LRRC1: variants seen among roughly 807,000 people sequenced by gnomAD.
The protein encoded by LRRC1 is leucine rich repeat containing 1, also known as leucine-rich repeat-containing protein 1.
Under a neutral mutation model 69.9 loss-of-function variants are expected in LRRC1, and 28 were observed. The ratio of observed to expected loss-of-function variants is 0.40; its 90% CI spans 0.30 to 0.55. The LOEUF (loss-of-function observed/expected upper bound fraction) is 0.55. Among genes scored for constraint, LRRC1 ranks in the 20% least tolerant of loss-of-function variants. LRRC1 has a pLI of 0.47. For synonymous variants in LRRC1, 236 were observed against 240.2 expected (o/e 0.98, Z 0.16); for missense variants, 498 against 609.0 (o/e 0.82, Z 1.92).
intron 1 of LRRC1, among the ~76,000 whole-genome samples, chr6:53,814,546 A>G (rs755958022): frequency 2.6e-5 from 4 of 152,216 alleles, no homozygotes; most frequent in Admixed American, 6.5e-5. Flanking sequence ...CACAGTGTCT[A>G]TTGTTCTACT....
intron 4 of LRRC1, among the ~76,000 whole-genome samples, chr6:53,894,410 C>T (rs1767800970): frequency 1.3e-5 from 2 of 152,204 alleles, no homozygotes; most frequent in African/African-American, 4.8e-5. Context: ...TGGCATAACA[C>T]TCAGCATGAG....
intron 1 of LRRC1, among the ~76,000 whole-genome samples, chr6:53,829,098 G>A (rs1024995153): frequency 3.3e-5 from 5 of 152,218 alleles, no homozygotes; most frequent in Non-Finnish European, 7.3e-5. Context: ...CTGTTGGGGA[G>A]TTGGGATTAT....
chr6:53,914,961 A>G (rs1474153600), intron 11 of LRRC1, among the ~76,000 whole-genome samples: 1 of 152,248 alleles, frequency 6.6e-6, no homozygotes, highest in East Asian at 1.9e-4. Context: ...TGCCTGGCAC[A>G]TAATGGATGC....
At chr6:53,833,067 T>G (rs947696023) in intron 1 of LRRC1, among the ~76,000 whole-genome samples, 5 of 152,166 alleles carry the variant, frequency 3.3e-5, no homozygotes, top group Non-Finnish European at 5.9e-5. Context: ...CTCCTCATAG[T>G]TGATCTTTCC....
intron 1 of LRRC1, among the ~76,000 whole-genome samples, chr6:53,814,810 G>A (rs1764903649): frequency 6.6e-6 from 1 of 152,176 alleles, no homozygotes; most frequent in South Asian, 2.1e-4. Context: ...CTGCATTACT[G>A]TCTTTCTGGG....
chr6:53,916,204 G>C (rs992667020), intron 11 of LRRC1, among the ~76,000 whole-genome samples: 1 of 152,216 alleles, frequency 6.6e-6, no homozygotes, highest in African/African-American at 2.4e-5. Flanking sequence ...TATCCACCAA[G>C]TGTGCAAAAC....
chr6:53,863,567 T>G (rs1313719605), intron 2 of LRRC1, among the ~76,000 whole-genome samples: 1 of 152,224 alleles, frequency 6.6e-6, no homozygotes, highest in Non-Finnish European at 1.5e-5. Context: ...GTTTGTCTTG[T>G]CTACCTCTCT....
chr6:53,882,362 G>A (rs79525685), intron 3 of LRRC1, among the ~76,000 whole-genome samples: 3 of 152,078 alleles, frequency 2.0e-5, no homozygotes, highest in African/African-American at 7.2e-5. Flanking sequence ...AGAAAGGAAA[G>A]TAGCAATTGT....
Position 53,879,019 on chromosome 6 carries a change from T to C in LRRC1, c.304T>C (p.Ser102Pro). The C allele has an allele frequency of 1.2e-6, 2 of 1,613,006 alleles. No homozygotes were observed. The highest frequency in any genetic ancestry group is 1.7e-6 in the Non-Finnish European group (2 of 1,179,290). Residue 102 changes from serine to proline, a missense_variant, in exon 3 of 14, where the codon TCA (serine) becomes CCA (proline). By Grantham distance (74) the Ser-to-Pro change is moderately conservative. Coordinates refer to ENST00000370888, the MANE Select transcript of LRRC1 (RefSeq NM_018214.5). ...NEIPEIPESI[S>P]FCKALQVADF... Reference sequence around the variant, plus strand: ...GATTCCTGAAATTCCAGAAAGCATTTCATTCTGTAAAGCACTGCAGGTAGC... The same window carrying C: ...GATTCCTGAAATTCCAGAAAGCATTCCATTCTGTAAAGCACTGCAGGTAGC...
chr6:53,860,998 A>G (rs1301856253), intron 2 of LRRC1, among the ~76,000 whole-genome samples: 2 of 143,552 alleles, frequency 1.4e-5, no homozygotes, highest in African/African-American at 2.5e-5. Flanking sequence ...ACATGGACAC[A>G]GAAGGGAACG....
At chr6:53,825,743 G>A (rs1765236898) in intron 1 of LRRC1, among the ~76,000 whole-genome samples, 2 of 152,130 alleles carry the variant, frequency 1.3e-5, no homozygotes, top group Non-Finnish European at 2.9e-5. Context: ...GTTTGTAGGC[G>A]TTAAGTGGGG....
intron 1 of LRRC1, among the ~76,000 whole-genome samples, chr6:53,839,154 T>A (rs1003282761): frequency 2.0e-5 from 3 of 152,138 alleles, no homozygotes; most frequent in Admixed American, 6.5e-5. Context: ...TCTAGTTTTT[T>A]ATTTTTACAC....
intron 1 of LRRC1, among the ~76,000 whole-genome samples, chr6:53,832,030 T>A: frequency 6.6e-6 from 1 of 152,216 alleles, no homozygotes; most frequent in East Asian, 1.9e-4. Context: ...TTGGTGTATT[T>A]GCTGAGAAAA....
chr6:53,865,314 A>C, intron 2 of LRRC1, among the ~76,000 whole-genome samples: 1 of 152,118 alleles, frequency 6.6e-6, no homozygotes, highest in East Asian at 1.9e-4. Flanking sequence ...GGAAAACCTA[A>C]GTGGGCTTAC....
chr6:53,844,022 A>G (rs1562040256), intron 2 of LRRC1, among the ~76,000 whole-genome samples: 2 of 152,254 alleles, frequency 1.3e-5, no homozygotes, highest in Middle Eastern at 6.8e-3. Context: ...TTGGATGGCA[A>G]CCAGTACAAA....
At chr6:53,835,053 A>G (rs936641681) in intron 1 of LRRC1, among the ~76,000 whole-genome samples, 2 of 152,220 alleles carry the variant, frequency 1.3e-5, no homozygotes, top group African/African-American at 4.8e-5. Context: ...TTCTTCATTA[A>G]TGTCTACCAA....
chr6:53,812,946 T>G (rs1301000430), intron 1 of LRRC1, among the ~76,000 whole-genome samples: 1 of 151,738 alleles, frequency 6.6e-6, no homozygotes, highest in Non-Finnish European at 1.5e-5. Flanking sequence ...TTTTTTCCTC[T>G]AGAGTGCTCA....
intron 10 of LRRC1, among the ~76,000 whole-genome samples, chr6:53,913,429 A>C (rs2127441534): frequency 6.6e-6 from 1 of 152,276 alleles, no homozygotes. Flanking sequence ...CAAGTCTTGA[A>C]TTATGTGTGT....
chr6:53,838,002 A>G (rs1765660136), intron 1 of LRRC1, among the ~76,000 whole-genome samples: 1 of 152,320 alleles, frequency 6.6e-6, no homozygotes, highest in Non-Finnish European at 1.5e-5. Context: ...GTTCTGTCAC[A>G]TGGTTGCACT....
Sources: gnomAD v4.1 joint callset for allele counts (sites outside exome capture counted in the v4.1 genomes callset) on GRCh38, gnomAD v4.1.1 for gene constraint, MANE v1.5 for transcripts, NCBI Gene and HGNC (gene_info 2026-07-23, HGNC 2026-07-21) for gene names.